The following TRMU variants were observed in gnomAD, a reference collection of about 807,000 sequenced individuals.
TRMU encodes the protein tRNA mitochondrial 2-thiouridylase.
In TRMU, 49 loss-of-function variants were observed where a neutral mutation model predicts 46.9. The ratio of observed to expected loss-of-function variants is 1.05; its 90% confidence interval spans 0.83 to 1.33. The LOEUF is 1.33. Ranked by LOEUF, TRMU falls within the 40% of genes most tolerant of loss-of-function variation. The probability of loss-of-function intolerance (pLI) is 0.00; values close to 1 mark genes in which losing one functional copy is unlikely to be tolerated. For synonymous variants in TRMU, 241 were observed against 200.9 expected (o/e 1.20, Z -1.69); for missense variants, 572 against 532.4 (o/e 1.07, Z -0.73).
In TRMU at chr22:46,352,091, C is replaced by T. The variant is rs376072072; in HGVS notation, c.652-30C>T. The T allele has an allele frequency of 6.6e-5, 107 of 1,612,028 alleles. No individual in the cohort carries two copies. In the African/African-American group the frequency reaches 1.2e-3, roughly 18 times the overall value. ...AGCTTGGGCCACCGCCACTTCTGCT[C>T]CTCTCACGGCTGCCGTCTTCTCATT... On this transcript the variant is annotated intron_variant, in intron 5 of 10. Coordinates refer to ENST00000645190, the MANE Select transcript of TRMU (RefSeq NM_018006.5).
intron 3 of TRMU, among the ~76,000 whole-genome samples, chr22:46,344,224 C>A (rs904758648): frequency 1.3e-5 from 2 of 152,056 alleles, no homozygotes; most frequent in Non-Finnish European, 2.9e-5. Flanking sequence ...ATTTAGGTGC[C>A]CCCAGGCTGA....
At position 46,347,847 on chromosome 22, in the gene TRMU, C is replaced by T. The variant is rs1409732893; in HGVS notation, c.478+1303C>T. ...GGTCAGGCCCCAGCTGAGTTCTTTC[C>T]TCAGCGTTGCTGAGCCCATCCTGAA... On this transcript the variant is annotated intron_variant, in intron 4 of 10. Coordinates refer to ENST00000645190, the MANE Select transcript of TRMU (RefSeq NM_018006.5). This position sits in a 1 kb window ranked among gnomAD's most constrained non-coding sequence, Gnocchi z 5.0. Among the ~76,000 whole-genome samples the T allele has an allele frequency of 6.6e-6, 1 of 152,232 alleles. No individual in the cohort carries two copies. The highest frequency in any genetic ancestry group is 1.5e-5 in the Non-Finnish European group (1 of 68,034).
intron 9 of TRMU, 194 bp downstream of exon 9, chr22:46,355,782 G>A (rs1422592044): frequency 1.2e-5 from 13 of 1,090,772 alleles, no homozygotes; most frequent in Non-Finnish European, 1.7e-5. Flanking sequence ...GGGAGCAGAT[G>A]CAGGCAGGCC....
chr22:46,337,239 T>C (rs934953313), intron 1 of TRMU, among the ~76,000 whole-genome samples: 3 of 152,208 alleles, frequency 2.0e-5, no homozygotes, highest in East Asian at 1.9e-4. Flanking sequence ...TGTAGTTTGC[T>C]AAGGTGGTGT....
chr22:46,352,021 GGTGAGGCC>G, intron 5 of TRMU, 92 bp from the exon 6 acceptor site: 6 of 1,345,850 alleles, frequency 4.5e-6, no homozygotes, highest in Non-Finnish European at 6.4e-6. Context: ...CAAAGTGTGG[GGTGAGGCC>G]GGGAGGCCCC....
chr22:46,342,442 C>T lies in TRMU; in HGVS notation c.249-820C>T, dbSNP rs112022437. On this transcript the variant is annotated intron_variant, in intron 2 of 10. Transcript: ENST00000645190. This position sits in a 1 kb window ranked among gnomAD's most constrained non-coding sequence, Gnocchi z 4.7. ...TAGCTGTGCAGAAGCTCTCTGAACC[C>T]AGTACTCCTGGGTTTTTATGGAGGC... Among the ~76,000 whole-genome samples, 784 of 152,304 alleles carry T rather than the reference C, an allele frequency of 5.1e-3. 8 individuals carry two copies. The highest frequency in any genetic ancestry group is 0.032 in the South Asian group (154 of 4,818).
rs1169759576 is a variant in TRMU, at chr22:46,338,659, A to C, written c.248+715A>C. ...ACAAAGTTGTAGAGAAGGGACTCCA[A>C]ATGGGGTAACGAGAGCAGCGTGAAG... On this transcript the variant is annotated intron_variant, in intron 2 of 10. Coordinates refer to ENST00000645190, the MANE Select transcript of TRMU (RefSeq NM_018006.5). The surrounding 1 kb of genome is among the most constrained non-coding windows in gnomAD (Gnocchi z 4.5). 2.0e-5 allele frequency among the ~76,000 whole-genome samples: 3 copies of C among 152,224 alleles called. No individual in the cohort carries two copies. The highest frequency in any genetic ancestry group is 1.5e-5 in the Non-Finnish European group (1 of 68,032).
rs373437260 is a variant in TRMU, at chr22:46,355,538, G to T, written c.968G>T (p.Arg323Leu). Residue 323 changes from arginine (R) to leucine (L), a missense_variant, in exon 9 of 11, where the codon CGG becomes CTG. Coordinates refer to ENST00000645190, the MANE Select transcript of TRMU (RefSeq NM_018006.5). ...GAGGAGCCTCCCGCAGCACTGGTCC[G>T]GGACAAGATGATGGAGTGCCACTTC... ...IAEEPPAALV[R>L]DKMMECHFRF... 1.9e-6 allele frequency: 3 copies of T among 1,613,172 alleles called. No homozygotes were observed. The highest frequency in any genetic ancestry group is 2.5e-6 in the Non-Finnish European group (3 of 1,180,026).
At position 46,350,176 on chromosome 22, in the gene TRMU, T is replaced by C. The variant is rs2147078429; in HGVS notation, c.479-115T>C. The stretch of plus-strand genomic sequence containing the variant: ...CCTAGTAGTTGCTATTGAGTGTTGA[T>C]GTCTGCCTCTGACAGGCTAGGGGTA... On this transcript the variant is annotated intron_variant, in intron 4 of 10. Transcript: ENST00000645190. This position sits in a 1 kb window ranked among gnomAD's most constrained non-coding sequence, Gnocchi z 4.6. The C allele has an allele frequency of 1.6e-6, 2 of 1,281,442 alleles. No homozygotes were observed. Among genetic ancestry groups the C allele is most frequent in the Non-Finnish European group, 2.2e-6 (2 of 895,626 alleles). The allele number at this position is 1,281,442 out of a possible 1,614,324, so 79.4% of individuals were successfully genotyped here.
Position 46,352,181 on chromosome 22 carries a change from G to A in TRMU, c.705+7G>A, listed in dbSNP as rs770523434. On this transcript the variant is annotated splice_region_variant and intron_variant, in intron 6 of 10. Coordinates refer to ENST00000645190, the MANE Select transcript of TRMU (RefSeq NM_018006.5). Reference sequence around the variant, plus strand: ...TGAACATTTCCTTCTTCAGGTGCGTGCTGCTCTTTGACACAAAGAGATGGG... The same window carrying A: ...TGAACATTTCCTTCTTCAGGTGCGTACTGCTCTTTGACACAAAGAGATGGG... The A allele has an allele frequency of 3.7e-6, 6 of 1,614,040 alleles. No homozygotes were observed. The highest frequency in any genetic ancestry group is 5.1e-6 in the Non-Finnish European group (6 of 1,180,006).
chr22:46,356,736 C>G lies in TRMU; in HGVS notation c.1102-106C>G, dbSNP rs1013694539. The G allele has an allele frequency of 9.4e-6, 13 of 1,379,976 alleles. No homozygotes were observed. The African/African-American group carries it at 1.4e-4, about 15-fold the overall frequency. The allele number at this position is 1,379,976 out of a possible 1,614,324, so 85.5% of individuals were successfully genotyped here. A position where few individuals can be genotyped will look rare whatever the true frequency, so the allele number is the denominator to read the frequency against. On this transcript the variant is annotated intron_variant, in intron 10 of 10. Coordinates refer to ENST00000645190, the MANE Select transcript of TRMU (RefSeq NM_018006.5). ...CCCTGCTCCCCTGGGAGCTCAGTGC[C>G]TGGTGCTCCGAGCACAGGCCAGGCC...
rs193143825 is a variant in TRMU at position 46,352,752 on chromosome 22, G to A, written c.772+422G>A. ...CATGCAGCGATGGGATCAGGCGTCCGCGCTGGCCAGAGTGCTGCTCGCTCA... is the reference window on the plus strand; with the variant it reads ...CATGCAGCGATGGGATCAGGCGTCCACGCTGGCCAGAGTGCTGCTCGCTCA... On this transcript the variant is annotated intron_variant, in intron 7 of 10. Coordinates refer to ENST00000645190, the MANE Select transcript of TRMU (RefSeq NM_018006.5). The A allele has an allele frequency of 7.3e-4, 243 of 335,006 alleles. 1 individual carries two copies. Among genetic ancestry groups the A allele is most frequent in the African/African-American group, 4.6e-3 (216 of 46,752 alleles). The allele number at this position is 335,006 out of a possible 1,614,324, so 20.8% of individuals were successfully genotyped here.
intron 3 of TRMU, among the ~76,000 whole-genome samples, chr22:46,345,124 G>A (rs2078217806): frequency 6.6e-6 from 1 of 152,194 alleles, no homozygotes; most frequent in Non-Finnish European, 1.5e-5. Context: ...AGGCTGGAGT[G>A]CAGTGGTGTG....
Position 46,350,256 on chromosome 22 carries a change from T to C in TRMU, c.479-35T>C. 6.2e-7 allele frequency: 1 copy of C among 1,613,748 alleles called. No homozygotes were observed. The highest frequency in any genetic ancestry group is 1.1e-5 in the South Asian group (1 of 91,072). ...TGAAAGTGAAGTATCATTATTTTTA[T>C]TCCTGCATCGTCTTTTGTTCTTTAT... On this transcript the variant is annotated intron_variant, in intron 4 of 10. Transcript: ENST00000645190. This position sits in a 1 kb window ranked among gnomAD's most constrained non-coding sequence, Gnocchi z 4.6.
At chr22:46,340,918 C>T (rs1488476896) in intron 2 of TRMU, among the ~76,000 whole-genome samples, 1 of 152,260 alleles carries the variant, frequency 6.6e-6, no homozygotes, top group East Asian at 1.9e-4. Context: ...AGCCTGCCCT[C>T]TGCCCTCGCC....
At chr22:46,346,929 G>T (rs181595746) in intron 4 of TRMU, among the ~76,000 whole-genome samples, 23 of 152,384 alleles carry the variant, frequency 1.5e-4, no homozygotes, top group Non-Finnish European at 2.6e-4. Flanking sequence ...AAGGGCGTGC[G>T]GTTCAGGCAG....
Position 46,338,650 on chromosome 22 carries a change from G to T in TRMU, c.248+706G>T, listed in dbSNP as rs2078042087. On this transcript the variant is annotated intron_variant, in intron 2 of 10. Transcript: ENST00000645190. This position sits in a 1 kb window ranked among gnomAD's most constrained non-coding sequence, Gnocchi z 4.5. ...GGGTTGCAAACAAAGTTGTAGAGAA[G>T]GGACTCCAAATGGGGTAACGAGAGC... is the stretch of plus-strand genomic sequence containing the variant. Among the ~76,000 whole-genome samples the T allele has an allele frequency of 6.6e-6, 1 of 152,248 alleles. No individual in the cohort carries two copies. The highest frequency in any genetic ancestry group is 2.4e-5 in the African/African-American group (1 of 41,468).
At chr22:46,340,465 C>T (rs2078093192) in intron 2 of TRMU, among the ~76,000 whole-genome samples, 1 of 152,228 alleles carries the variant, frequency 6.6e-6, no homozygotes, top group African/African-American at 2.4e-5. Flanking sequence ...TTTAGCTCAG[C>T]TGAGGCCAGA....
intron 3 of TRMU, 44 bp from the exon 4 acceptor site, chr22:46,346,378 G>A: frequency 6.2e-7 from 1 of 1,601,242 alleles, no homozygotes; most frequent in Non-Finnish European, 8.5e-7. Flanking sequence ...AGGCCTGCAA[G>A]TATGAGTCTA....
Sources: gnomAD v4.1 joint callset for allele counts (sites outside exome capture counted in the v4.1 genomes callset) on GRCh38, gnomAD v4.1.1 for gene constraint, Gnocchi (gnomAD v3.1) non-coding constraint, MANE v1.5 for transcripts, NCBI Gene and HGNC (gene_info 2026-07-23, HGNC 2026-07-21) for gene names.